ARHGAP31: variants seen among roughly 807,000 people sequenced by gnomAD.
The protein encoded by ARHGAP31 is Rho GTPase activating protein 31.
Under a neutral mutation model 113.9 loss-of-function variants are expected in ARHGAP31, and 34 were observed. The observed-to-expected ratio is 0.30, with a 90% CI of 0.23 to 0.40. The LOEUF is 0.40. Ranked by LOEUF, ARHGAP31 falls within the 10% of genes least tolerant of loss-of-function variation. The pLI is 1.00. For synonymous variants in ARHGAP31, 650 were observed against 684.8 expected (o/e 0.95, Z 0.79); for missense variants, 1,548 against 1,767.1 (o/e 0.88, Z 2.22).
intron 1 of ARHGAP31, among the ~76,000 whole-genome samples, chr3:119,330,395 G>A (rs1176616550): frequency 2.0e-5 from 3 of 152,120 alleles, no homozygotes; most frequent in Non-Finnish European, 2.9e-5. Flanking sequence ...CCCATGACCC[G>A]ATGGTCTGTG....
intron 5 of ARHGAP31, 52 bp from the exon 6 acceptor site, chr3:119,383,032 T>C (rs2080415557): frequency 1.2e-6 from 2 of 1,610,000 alleles, no homozygotes; most frequent in Admixed American, 3.4e-5. Flanking sequence ...CTCTTGCTGC[T>C]TCAGGTTGTA....
Position 119,401,666 on chromosome 3 carries a change from C to T in ARHGAP31, c.1070-156C>T, listed in dbSNP as rs2080608435. 2.6e-5 allele frequency among the ~76,000 whole-genome samples: 4 copies of T among 152,172 alleles called. No homozygotes were observed. The South Asian group carries it at 8.3e-4, about 32-fold the overall frequency. The stretch of plus-strand genomic sequence containing the variant: ...TATGAGGAAGTGCTTTCTCTTTTGT[C>T]ATCCAGATGTTACCTGTCTTTATCT... On this transcript the variant is annotated intron_variant, in intron 9 of 11. Transcript: ENST00000264245.
At position 119,409,451 on chromosome 3, in the gene ARHGAP31, T is replaced by C. The variant is rs767464133; in HGVS notation, c.1646-45T>C. On this transcript the variant is annotated intron_variant, in intron 10 of 11. Transcript: ENST00000264245. ...TGACTGTGTTGGGAAGAGTCTCTCT[T>C]GAAATGAAGTCTCCTTTAACTGATA... The C allele has an allele frequency of 1.4e-5, 23 of 1,610,520 alleles. 1 individual carries two copies. In the South Asian group the frequency reaches 2.5e-4, roughly 18 times the overall value.
intron 10 of ARHGAP31, among the ~76,000 whole-genome samples, chr3:119,408,732 T>A (rs938283258): frequency 1.3e-5 from 2 of 152,170 alleles, no homozygotes; most frequent in Non-Finnish European, 2.9e-5. Flanking sequence ...CAGTCTTTAA[T>A]CCAGAGTGTG....
chr3:119,346,380 G>A (rs2080057176), intron 1 of ARHGAP31, among the ~76,000 whole-genome samples: 1 of 152,238 alleles, frequency 6.6e-6, no homozygotes, highest in Non-Finnish European at 1.5e-5. Context: ...GACAGCCTCT[G>A]GCAGCTGGCT....
chr3:119,372,685 G>A (rs2080308297), intron 3 of ARHGAP31, among the ~76,000 whole-genome samples: 1 of 152,112 alleles, frequency 6.6e-6, no homozygotes, highest in Non-Finnish European at 1.5e-5. Flanking sequence ...AATGATAATA[G>A]CTGTCAATAA....
intron 1 of ARHGAP31, among the ~76,000 whole-genome samples, chr3:119,303,533 C>A (rs188352590): frequency 1.3e-5 from 2 of 152,176 alleles, no homozygotes; most frequent in Admixed American, 1.3e-4. Flanking sequence ...CCTGGTACCA[C>A]GCCCATGGCC....
chr3:119,398,562 C>T (rs2080571655), intron 8 of ARHGAP31, among the ~76,000 whole-genome samples: 2 of 152,342 alleles, frequency 1.3e-5, no homozygotes, highest in African/African-American at 4.8e-5. Context: ...ATTTAAACCA[C>T]ACTCTTCCAA....
At chr3:119,329,004 T>C (rs1401644562) in intron 1 of ARHGAP31, among the ~76,000 whole-genome samples, 5 of 152,224 alleles carry the variant, frequency 3.3e-5, no homozygotes, top group Non-Finnish European at 7.3e-5. Context: ...ATAATCATTA[T>C]TATGATTCTA....
chr3:119,370,853 T>A (rs1470138530), intron 3 of ARHGAP31, among the ~76,000 whole-genome samples: 1 of 152,202 alleles, frequency 6.6e-6, no homozygotes, highest in East Asian at 1.9e-4. Context: ...TTTGTTTATA[T>A]CCTTAGAGAA....
intron 1 of ARHGAP31, among the ~76,000 whole-genome samples, chr3:119,361,938 A>T (rs898455868): frequency 6.6e-6 from 1 of 152,222 alleles, no homozygotes; most frequent in African/African-American, 2.4e-5. Context: ...GGTTGTTTTA[A>T]CATTGCCTCC....
chr3:119,360,422 C>G (rs1347334501), intron 1 of ARHGAP31, among the ~76,000 whole-genome samples: 2 of 152,164 alleles, frequency 1.3e-5, no homozygotes, highest in Non-Finnish European at 2.9e-5. Flanking sequence ...ATGTGGCCAC[C>G]ACAACCACGT....
intron 1 of ARHGAP31, among the ~76,000 whole-genome samples, chr3:119,349,457 G>T (rs2080091356): frequency 6.6e-6 from 1 of 152,164 alleles, no homozygotes; most frequent in South Asian, 2.1e-4. Context: ...ATCTCCTGGG[G>T]ACAATTTACA....
chr3:119,396,733 A>G (rs944073811), intron 8 of ARHGAP31, among the ~76,000 whole-genome samples: 9 of 152,360 alleles, frequency 5.9e-5, no homozygotes, highest in Middle Eastern at 3.4e-3. Flanking sequence ...CATTTAAAAA[A>G]TTAATTCACT....
chr3:119,382,541 A>G, intron 5 of ARHGAP31, 142 bp downstream of exon 5: 1 of 770,666 alleles, frequency 1.3e-6, no homozygotes, highest in Non-Finnish European at 2.1e-6. Flanking sequence ...CATATGAATT[A>G]AAGGTGATTT....
Position 119,397,456 on chromosome 3 carries a change from CACAA to C in ARHGAP31, c.1007-1737_1007-1734del, listed in dbSNP as rs1205373889. 9.8e-5 allele frequency among the ~76,000 whole-genome samples: 15 copies of C among 152,330 alleles called. No individual in the cohort carries two copies. In the East Asian group the frequency reaches 2.9e-3, roughly 29 times the overall value. ...CAAAGGCAGTGCATGTCCTAGAATACACAAACAAAGGGATGCTGACCAGGTAGTT... is the reference window on the plus strand; with the variant it reads ...CAAAGGCAGTGCATGTCCTAGAATACACAAAGGGATGCTGACCAGGTAGTT... On this transcript the variant is annotated intron_variant, in intron 8 of 11. Coordinates refer to ENST00000264245, the MANE Select transcript of ARHGAP31 (RefSeq NM_020754.4).
intron 1 of ARHGAP31, among the ~76,000 whole-genome samples, chr3:119,356,591 A>G (rs909796437): frequency 3.3e-5 from 5 of 151,894 alleles, no homozygotes; most frequent in African/African-American, 1.2e-4. Flanking sequence ...AGATTGTGCT[A>G]CTGCACCCCA....
chr3:119,400,675 C>T (rs544605487), intron 9 of ARHGAP31, among the ~76,000 whole-genome samples: 2 of 152,216 alleles, frequency 1.3e-5, no homozygotes, highest in African/African-American at 2.4e-5. Flanking sequence ...TGCTGAGTCT[C>T]GATGTCCTCA....
chr3:119,378,004 G>A (rs1476114481), intron 3 of ARHGAP31, among the ~76,000 whole-genome samples: 2 of 152,134 alleles, frequency 1.3e-5, no homozygotes, highest in Non-Finnish European at 2.9e-5. Flanking sequence ...GAAACCCAGA[G>A]TTAGGGTCCT....
Sources: gnomAD v4.1 joint callset for allele counts (sites outside exome capture counted in the v4.1 genomes callset) on GRCh38, gnomAD v4.1.1 for gene constraint, MANE v1.5 for transcripts, NCBI Gene and HGNC (gene_info 2026-07-23, HGNC 2026-07-21) for gene names.